The following ANAPC10 variants were observed in gnomAD, a reference collection of about 807,000 sequenced individuals.
ANAPC10 encodes anaphase promoting complex subunit 10.
In ANAPC10, 12 loss-of-function variants were observed where a neutral mutation model predicts 22.0. The ratio of observed to expected loss-of-function variants is 0.55; its 90% confidence interval spans 0.35 to 0.88. ANAPC10 has a LOEUF of 0.88. Among genes scored for constraint, ANAPC10 ranks in the 40% least tolerant of loss-of-function variants. The pLI is 0.01. For missense variants in ANAPC10, 188 were observed against 220.9 expected (o/e 0.85, Z 0.94); for synonymous variants, 65 against 69.5 (o/e 0.94, Z 0.32).
intron 2 of ANAPC10, among the ~76,000 whole-genome samples, chr4:145,089,664 C>G (rs144038505): frequency 2.0e-5 from 3 of 152,160 alleles, no homozygotes; most frequent in South Asian, 2.1e-4. Context: ...AATATTGAAC[C>G]ATTATTTCAA....
intron 2 of ANAPC10, among the ~76,000 whole-genome samples, chr4:145,093,229 G>A (rs1453305174): frequency 6.6e-6 from 1 of 152,176 alleles, no homozygotes; most frequent in Non-Finnish European, 1.5e-5. Flanking sequence ...CTGGCACAAT[G>A]TTCTCACAGT....
chr4:145,080,007 G>C (rs1192341580), intron 3 of ANAPC10, among the ~76,000 whole-genome samples: 1 of 151,480 alleles, frequency 6.6e-6, no homozygotes, highest in Non-Finnish European at 1.5e-5. Context: ...CCAGCTACTC[G>C]GGATCCTGAG....
chr4:145,097,614 T>TA, intron 1 of ANAPC10: 6 of 973,006 alleles, frequency 6.2e-6, no homozygotes, highest in Non-Finnish European at 8.5e-6. Flanking sequence ...GCCTGAGGCT[T>TA]AAACGCTCAA....
At chr4:145,034,060 T>C (rs963646734) in intron 4 of ANAPC10, among the ~76,000 whole-genome samples, 12 of 152,210 alleles carry the variant, frequency 7.9e-5, no homozygotes, top group African/African-American at 2.7e-4. Flanking sequence ...GGCATAATTA[T>C]GACCCAATAT....
rs1208990160 is a variant in ANAPC10 at position 145,051,534 on chromosome 4, T to C, written c.327+13038A>G. On this transcript the variant is annotated intron_variant, in intron 4 of 4. Transcript: ENST00000507656. Reference sequence around the variant, plus strand: ...CACAAAGCTTCAATTTGTAATAAAATGCAGTTATCTATAAAGTGCAATAAG... The same window carrying C: ...CACAAAGCTTCAATTTGTAATAAAACGCAGTTATCTATAAAGTGCAATAAG... 2.6e-5 allele frequency among the ~76,000 whole-genome samples: 4 copies of C among 152,220 alleles called. No homozygotes were observed. In the East Asian group the frequency reaches 5.8e-4, roughly 22 times the overall value.
chr4:145,069,413 CA>C (rs1744169893), intron 3 of ANAPC10, among the ~76,000 whole-genome samples: 1 of 152,182 alleles, frequency 6.6e-6, no homozygotes, highest in Non-Finnish European at 1.5e-5. Flanking sequence ...TATGAACATG[CA>C]TACAGCAAAA....
intron 4 of ANAPC10, among the ~76,000 whole-genome samples, chr4:145,059,786 T>C (rs1359040177): frequency 6.6e-6 from 1 of 152,058 alleles, no homozygotes; most frequent in African/African-American, 2.4e-5. Flanking sequence ...GCTAGAGATA[T>C]TTTCTAAAAT....
intron 3 of ANAPC10, among the ~76,000 whole-genome samples, chr4:145,080,596 A>T (rs1745848885): frequency 1.3e-5 from 2 of 152,142 alleles, no homozygotes; most frequent in Non-Finnish European, 2.9e-5. Context: ...CTAAAAATAC[A>T]ATGCTATAGA....
chr4:144,997,790 T>G (rs1019372550), intron 4 of ANAPC10, among the ~76,000 whole-genome samples: 4 of 152,074 alleles, frequency 2.6e-5, no homozygotes, highest in African/African-American at 9.7e-5. Context: ...ACTGGCAAAT[T>G]AGATAAAGAG....
intron 2 of ANAPC10, 109 bp from the exon 3 acceptor site, chr4:145,081,859 G>T (rs1746071385): frequency 3.8e-6 from 3 of 797,010 alleles, no homozygotes; most frequent in South Asian, 3.2e-5. Context: ...AAACAGAAAG[G>T]TCAGAAATAT....
At chr4:145,009,128 G>A (rs1024453445) in intron 4 of ANAPC10, among the ~76,000 whole-genome samples, 4 of 152,026 alleles carry the variant, frequency 2.6e-5, no homozygotes, top group African/African-American at 9.7e-5. Context: ...CAACTTACAA[G>A]GGATGTGAAG....
At chr4:145,026,742 G>C (rs1736712615) in intron 4 of ANAPC10, among the ~76,000 whole-genome samples, 1 of 3,488 alleles carries the variant, frequency 2.9e-4, no homozygotes, top group East Asian at 0.17. Flanking sequence ...ACTCCAAAGA[G>C]AGGCAGTGAA....
At chr4:145,043,012 A>G (rs1438280802) in intron 4 of ANAPC10, among the ~76,000 whole-genome samples, 1 of 152,094 alleles carries the variant, frequency 6.6e-6, no homozygotes, top group African/African-American at 2.4e-5. Context: ...AAAAGAGGGG[A>G]AAAAAGAAAT....
chr4:145,034,729 G>A (rs550021767), intron 4 of ANAPC10, among the ~76,000 whole-genome samples: 2 of 151,850 alleles, frequency 1.3e-5, no homozygotes, highest in African/African-American at 4.8e-5. Context: ...ATGCAGGTTC[G>A]ACCCAGGGGA....
At chr4:145,069,857 C>G (rs1050271999) in intron 3 of ANAPC10, among the ~76,000 whole-genome samples, 4 of 151,680 alleles carry the variant, frequency 2.6e-5, no homozygotes, top group African/African-American at 9.7e-5. Context: ...TTTTGTGAAC[C>G]AAAAAGGTTC....
intron 4 of ANAPC10, among the ~76,000 whole-genome samples, chr4:145,002,952 AT>A (rs1197114467): frequency 6.6e-6 from 1 of 152,166 alleles, no homozygotes; most frequent in African/African-American, 2.4e-5. Flanking sequence ...TATAAAGATT[AT>A]TTAGTCACCC....
chr4:144,998,121 C>T (rs1025410894), intron 4 of ANAPC10, among the ~76,000 whole-genome samples: 3 of 152,150 alleles, frequency 2.0e-5, no homozygotes, highest in Non-Finnish European at 4.4e-5. Context: ...GACTCCCACA[C>T]AATAATAATG....
chr4:145,054,638 TGTGCGCGC>T (rs1483879229), intron 4 of ANAPC10, among the ~76,000 whole-genome samples: 3 of 65,496 alleles, frequency 4.6e-5, no homozygotes, highest in East Asian at 3.7e-4. Flanking sequence ...TGTGTGTGTG[TGTGCGCGC>T]GCGCGCGCGT....
At chr4:145,018,847 CAA>C (rs1448251033) in intron 4 of ANAPC10, among the ~76,000 whole-genome samples, 1 of 151,996 alleles carries the variant, frequency 6.6e-6, no homozygotes, top group Admixed American at 6.6e-5. Flanking sequence ...TTAAAAAAGA[CAA>C]AGAGGGACAT....
Sources: allele counts gnomAD v4.1 joint callset (sites outside exome capture counted in the v4.1 genomes callset), GRCh38; gene constraint gnomAD v4.1.1; transcripts MANE v1.5; gene names NCBI Gene and HGNC (gene_info 2026-07-23, HGNC 2026-07-21).